The following ATM variants were observed in gnomAD, a reference collection of about 807,000 sequenced individuals.
The protein encoded by ATM is ATM serine/threonine kinase.
A neutral mutation model predicts 387.0 loss-of-function variants in ATM; 308 were observed. The ratio of observed to expected loss-of-function variants is 0.80; its 90% CI spans 0.73 to 0.87. The LOEUF is 0.87. Among genes scored for constraint, ATM ranks in the 40% least tolerant of loss-of-function variants. The pLI is 0.00. For missense variants in ATM, 3,312 were observed against 3,560.9 expected, an observed-to-expected ratio of 0.93 and a Z score of 1.78; for synonymous variants, 1,156 against 1,187.3, an observed-to-expected ratio of 0.97 and a Z score of 0.54.
At position 108,330,348 on chromosome 11, in the gene ATM, A is replaced by G. The variant is rs2086128087; in HGVS notation, c.7442A>G (p.Asp2481Gly). ...INCLLSGEEHDMWVFRLCSLW... is the reference protein window; with the variant it reads ...INCLLSGEEHGMWVFRLCSLW... ...TGCTTATTAAGTGGAGAAGAACATG[A>G]TATGTGGGTATTCCGACTTTGTTCC... is the stretch of plus-strand genomic sequence containing the variant. The change falls in exon 50 of 63, where the codon GAT becomes GGT. Residue 2481 changes from aspartate (D) to glycine (G), a missense_variant. Around this residue, in one of 4 missense-constraint regions of ATM, gnomAD observed 1,405 missense variants for 1,604.4 expected, o/e 0.88. Transcript: ENST00000675843. The G allele has an allele frequency of 6.2e-7, 1 of 1,614,196 alleles. No individual in the cohort carries two copies. Among genetic ancestry groups the G allele is most frequent in the Non-Finnish European group, 8.5e-7 (1 of 1,180,010 alleles).
At chr11:108,233,357 C>T (rs557444002) in intron 4 of ATM, among the ~76,000 whole-genome samples, 13 of 151,986 alleles carry the variant, frequency 8.6e-5, no homozygotes, top group Non-Finnish European at 1.3e-4. Flanking sequence ...ATTGCTTGAG[C>T]ACAGGATTTT....
At chr11:108,277,762 G>A (rs958409933) in intron 22 of ATM, among the ~76,000 whole-genome samples, 12 of 152,226 alleles carry the variant, frequency 7.9e-5, no homozygotes, top group Non-Finnish European at 1.6e-4. Context: ...AGTTGGAAAT[G>A]CAGAAATCAC....
At chr11:108,264,438 A>T (rs1223171139) in intron 16 of ATM, among the ~76,000 whole-genome samples, 1 of 152,244 alleles carries the variant, frequency 6.6e-6, no homozygotes, top group African/African-American at 2.4e-5. Flanking sequence ...ACAACCCTTC[A>T]TGCCAAAAAC....
chr11:108,291,358 CTA>C (rs2082785814), intron 29 of ATM, among the ~76,000 whole-genome samples: 1 of 152,158 alleles, frequency 6.6e-6, no homozygotes, highest in South Asian at 2.1e-4. Context: ...TTGTGGTAAA[CTA>C]TATAACATAA....
intron 29 of ATM, chr11:108,290,638 CAAAAAAAAAAAAA>C (rs10603787): frequency 5.8e-5 from 4 of 68,650 alleles, no homozygotes; most frequent in East Asian, 5.2e-4. Context: ...ACTCTTGTCT[CAAAAAAAAAAAAA>C]AAAAAAAAAA....
intron 16 of ATM, among the ~76,000 whole-genome samples, chr11:108,259,363 C>T (rs2080721279): frequency 6.6e-6 from 1 of 152,096 alleles, no homozygotes; most frequent in South Asian, 2.1e-4. Context: ...GTGACATGTG[C>T]CTGTAGTCCC....
At chr11:108,327,966 A>G (rs2085851986) in intron 48 of ATM, among the ~76,000 whole-genome samples, 1 of 152,188 alleles carries the variant, frequency 6.6e-6, no homozygotes, top group Non-Finnish European at 1.5e-5. Context: ...GCCCAAGTAT[A>G]GTATCTCTTC....
intron 1 of ATM, chr11:108,224,592 A>G (rs12270905): frequency 1.3e-5 from 2 of 152,172 alleles, no homozygotes; most frequent in African/African-American, 4.8e-5. Context: ...GTTCTTTAAC[A>G]TTGTAGAACC....
intron 58 of ATM, 71 bp from the exon 59 acceptor site, chr11:108,347,208 T>G (rs2088526694): frequency 8.3e-7 from 1 of 1,200,316 alleles, no homozygotes; most frequent in Admixed American, 1.7e-5. Context: ...TGGTCTTAAT[T>G]GAAATTATGG....
intron 18 of ATM, 116 bp downstream of exon 18, chr11:108,268,725 G>T: frequency 8.4e-7 from 1 of 1,183,746 alleles, no homozygotes; most frequent in East Asian, 2.4e-5. Context: ...TTGCTTTCTT[G>T]AGAAATGAAC....
chr11:108,325,566 G>C (rs2136320254), intron 46 of ATM, 22 bp downstream of exon 46: 1 of 1,552,822 alleles, frequency 6.4e-7, no homozygotes. Context: ...TTAAAACTAT[G>C]TCATCTTACC....
chr11:108,239,776 G>A (rs1407870152), intron 5 of ATM, among the ~76,000 whole-genome samples: 1 of 152,174 alleles, frequency 6.6e-6, no homozygotes, highest in Non-Finnish European at 1.5e-5. Context: ...AAGGGTTCCA[G>A]TTTCTCTACA....
intron 6 of ATM, 26 bp from the exon 7 acceptor site, chr11:108,244,762 A>G (rs948390705): frequency 8.4e-6 from 13 of 1,555,440 alleles, no homozygotes; most frequent in Middle Eastern, 1.7e-4. Flanking sequence ...TGTTATACCC[A>G]GTTGAGCTTG....
intron 41 of ATM, 40 bp from the exon 42 acceptor site, chr11:108,315,971 G>C (rs778590586): frequency 1.2e-5 from 19 of 1,609,858 alleles, no homozygotes; most frequent in Non-Finnish European, 1.5e-5. Context: ...AGTTATGTGT[G>C]TGTAAAACCC....
intron 50 of ATM, chr11:108,331,103 T>C: frequency 1.0e-6 from 1 of 975,374 alleles, no homozygotes; most frequent in Non-Finnish European, 1.2e-6. Flanking sequence ...TTACTTCATT[T>C]TATTGTACAC....
At position 108,365,307 on chromosome 11, in the gene ATM, T is replaced by G; in HGVS notation, c.8988-18T>G. The G allele has an allele frequency of 6.2e-7, 1 of 1,614,138 alleles. No individual in the cohort carries two copies. The highest frequency in any genetic ancestry group is 8.5e-7 in the Non-Finnish European group (1 of 1,180,004). On this transcript the variant is annotated intron_variant, in intron 62 of 62. Coordinates refer to ENST00000675843, the MANE Select transcript of ATM (RefSeq NM_000051.4). ...TAAACTGTTCACCTCACTGAAACCT[T>G]TGTGTTTTTGTCCTTAGTGATATTG... is the stretch of plus-strand genomic sequence containing the variant.
At chr11:108,285,207 A>C (rs1469411488) in intron 26 of ATM, among the ~76,000 whole-genome samples, 1 of 151,686 alleles carries the variant, frequency 6.6e-6, no homozygotes, top group African/African-American at 2.4e-5. Flanking sequence ...TGATCTTCCC[A>C]CCTCAGCCTC....
chr11:108,329,256 A>C lies in ATM; in HGVS notation c.7307+18A>C, dbSNP rs777909508. The C allele has an allele frequency of 6.3e-6, 10 of 1,593,942 alleles. No individual in the cohort carries two copies. The Admixed American group carries it at 1.3e-4, about 21-fold the overall frequency. ...ACAAACAGGTAACTAGGTTTCTACA[A>C]GTGACAATTTTATGTTCACCAGTTA... On this transcript the variant is annotated intron_variant, in intron 49 of 62. Transcript: ENST00000675843.
chr11:108,351,322 G>T lies in ATM; in HGVS notation c.8672-2444G>T, dbSNP rs141811997. On this transcript the variant is annotated intron_variant, in intron 59 of 62. Coordinates refer to ENST00000675843, the MANE Select transcript of ATM (RefSeq NM_000051.4). ...GGTAGAGTTCTGTTAACGTGGATTTGTTCACTTTGCAGAAATCCCAGTGAG... is the reference window on the plus strand; with the variant it reads ...GGTAGAGTTCTGTTAACGTGGATTTTTTCACTTTGCAGAAATCCCAGTGAG... Among the ~76,000 whole-genome samples, 3 of 152,298 alleles carry T rather than the reference G, an allele frequency of 2.0e-5. No homozygotes were observed. The East Asian group carries it at 5.8e-4, about 29-fold the overall frequency.
Sources: gnomAD v4.1 joint callset for allele counts (sites outside exome capture counted in the v4.1 genomes callset) on GRCh38, gnomAD v4.1.1 for gene constraint, gnomAD v4.1.1 regional missense constraint, MANE v1.5 for transcripts, NCBI Gene and HGNC (gene_info 2026-07-23, HGNC 2026-07-21) for gene names.